Variants in MAP3K15 observed in about 807,000 individuals in gnomAD.
The protein encoded by MAP3K15 is mitogen-activated protein kinase kinase kinase 15, also known as MAPK/ERK kinase kinase 15.
In MAP3K15, 124 loss-of-function variants were observed where a neutral mutation model predicts 99.5. That is an observed-to-expected ratio of 1.25 (90% CI 1.08 to 1.45). The LOEUF (loss-of-function observed/expected upper bound fraction) is 1.45, where lower values mean the gene tolerates loss of function less well. MAP3K15 is among the 40% of genes most tolerant of loss of function. MAP3K15 has a pLI of 0.00. For synonymous variants in MAP3K15, 494 were observed against 439.6 expected (o/e 1.12, Z -1.55); for missense variants, 1,242 against 1,079.7 (o/e 1.15, Z -2.11).
chrX:19,416,244 ATG>A (rs1321634888), intron 9 of MAP3K15, among the ~76,000 whole-genome samples: 1 of 110,878 alleles, frequency 9.0e-6, no homozygotes, highest in African/African-American at 3.3e-5. Context: ...GGCAGAAGGA[ATG>A]CTTGAAGCTG....
chrX:19,363,669 T>TG (rs2063314173), intron 25 of MAP3K15, among the ~76,000 whole-genome samples: 2 of 107,828 alleles, frequency 1.9e-5, no homozygotes, highest in South Asian at 8.0e-4. Flanking sequence ...TTTTTTTTTT[T>TG]GGAGACAGAG....
At chrX:19,472,514 G>A (rs1478948055) in intron 3 of MAP3K15, among the ~76,000 whole-genome samples, 1 of 111,086 alleles carries the variant, frequency 9.0e-6, no homozygotes, top group Admixed American at 9.6e-5. Flanking sequence ...AAGGATATTG[G>A]TAGGAACAAG....
At chrX:19,407,445 A>T (rs1269354901) in intron 12 of MAP3K15, among the ~76,000 whole-genome samples, 162 bp from the exon 13 acceptor site, 1 of 112,112 alleles carries the variant, frequency 8.9e-6, no homozygotes, top group Non-Finnish European at 1.9e-5. Context: ...AAATTTAAAT[A>T]CCAGAGACAT....
intron 3 of MAP3K15, among the ~76,000 whole-genome samples, chrX:19,465,584 TAAA>T (rs1355164035): frequency 5.8e-4 from 48 of 82,776 alleles, no homozygotes; most frequent in Admixed American, 7.0e-4. Flanking sequence ...CATCTCTACT[TAAA>T]AAAAAAAAAA....
intron 3 of MAP3K15, among the ~76,000 whole-genome samples, chrX:19,479,657 G>A (rs181063922): frequency 8.9e-6 from 1 of 112,357 alleles, no homozygotes; most frequent in Non-Finnish European, 1.9e-5. Flanking sequence ...TACACTAGTG[G>A]CAAAGTACTA....
intron 6 of MAP3K15, among the ~76,000 whole-genome samples, chrX:19,438,313 G>A (rs2063936563): frequency 9.0e-6 from 1 of 110,991 alleles, no homozygotes; most frequent in Admixed American, 9.6e-5. Flanking sequence ...TCACTATGTG[G>A]CCCAGGCTGA....
chrX:19,368,937 GC>G, intron 25 of MAP3K15, 116 bp downstream of exon 25: 1 of 802,610 alleles, frequency 1.2e-6, no homozygotes, highest in Non-Finnish European at 1.6e-6. Flanking sequence ...TGATGAAGCT[GC>G]TTTTTCCTAA....
Position 19,384,748 on chromosome X carries a change from G to GAA in MAP3K15, c.2432-4472_2432-4471insTT, listed in dbSNP as rs1569205907. Among the ~76,000 whole-genome samples, 273 of 56,428 alleles carry GAA rather than the reference G, an allele frequency of 4.8e-3. 9 individuals carry two copies. The highest frequency in any genetic ancestry group is 0.011 in the Middle Eastern group (1 of 89). The allele number at this position is 56,428 out of a possible 115,157, so 49.0% of individuals were successfully genotyped here. ...GATGGGAGTGAGACCTTGTCTCAGGGGAAAAAAAAAAAAAAAAAAAAAAAA... is the reference window on the plus strand; with the variant it reads ...GATGGGAGTGAGACCTTGTCTCAGGGAAGAAAAAAAAAAAAAAAAAAAAAAAA... On this transcript the variant is annotated intron_variant, in intron 18 of 28. Transcript: ENST00000338883.
intron 25 of MAP3K15, among the ~76,000 whole-genome samples, chrX:19,366,538 G>A (rs781100955): frequency 1.6e-4 from 18 of 111,799 alleles, no homozygotes; most frequent in African/African-American, 5.9e-4. Flanking sequence ...CCCCCATACT[G>A]TTCTCATGGT....
intron 2 of MAP3K15, among the ~76,000 whole-genome samples, chrX:19,488,357 A>G (rs978315278): frequency 8.9e-6 from 1 of 112,264 alleles, no homozygotes; most frequent in East Asian, 2.8e-4. Flanking sequence ...GGAAAATAAC[A>G]TCAAAGACTA....
At chrX:19,470,443 C>G (rs777302097) in intron 3 of MAP3K15, among the ~76,000 whole-genome samples, 1 of 109,160 alleles carries the variant, frequency 9.2e-6, no homozygotes, top group African/African-American at 3.3e-5. Flanking sequence ...GGTGCTATAC[C>G]TAATGCTAAA....
At chrX:19,426,489 A>G (rs967778393) in intron 7 of MAP3K15, 146 bp from the exon 8 acceptor site, 2 of 337,793 alleles carry the variant, frequency 5.9e-6, no homozygotes, top group African/African-American at 5.5e-5. Context: ...ACCTTTACCA[A>G]CAGCCACATG....
rs757964409 is a variant in MAP3K15, at chrX:19,374,537, C to T, written c.2713G>A (p.Glu905Lys). 4 of 1,209,690 alleles carry T rather than the reference C, an allele frequency of 3.3e-6. No homozygotes were observed. Among genetic ancestry groups the T allele is most frequent in the Non-Finnish European group, 4.5e-6 (4 of 895,138 alleles). The change falls in exon 20 of 29, where the codon GAG (glutamate) becomes AAG (lysine). Residue 905 changes from glutamate (E) to lysine (K), a missense_variant. Coordinates refer to ENST00000338883, the MANE Select transcript of MAP3K15 (RefSeq NM_001001671.4). Reference protein sequence around the residue: ...KRATTAELLREGFLRQVNKGK... With the variant: ...KRATTAELLRKGFLRQVNKGK... ...TTGTTCACCTGCCTTAAGAAACCCT[C>T]TCTCAGTAGCTCAGCAGTGGTGGCA...
At chrX:19,442,089 C>T (rs1230478239) in intron 6 of MAP3K15, among the ~76,000 whole-genome samples, 1 of 111,851 alleles carries the variant, frequency 8.9e-6, no homozygotes, top group Admixed American at 9.5e-5. Flanking sequence ...ACCACCGAGG[C>T]GGCAGGGGTT....
intron 1 of MAP3K15, among the ~76,000 whole-genome samples, chrX:19,506,557 G>C (rs1008208082): frequency 9.0e-6 from 1 of 111,468 alleles, no homozygotes; most frequent in South Asian, 3.7e-4. Flanking sequence ...GTCTTGCTCT[G>C]CCGCCCAGGC....
intron 1 of MAP3K15, among the ~76,000 whole-genome samples, chrX:19,492,615 A>C (rs2064375620): frequency 9.0e-6 from 1 of 111,658 alleles, no homozygotes; most frequent in Admixed American, 9.6e-5. Flanking sequence ...CAGCTGAGTA[A>C]ATTAGACATT....
intron 19 of MAP3K15, among the ~76,000 whole-genome samples, chrX:19,377,541 CA>C (rs1320327039): frequency 2.7e-4 from 27 of 99,596 alleles, no homozygotes; most frequent in Admixed American, 4.3e-4. Flanking sequence ...GAGACTCTGT[CA>C]AAAAAAAAAA....
intron 9 of MAP3K15, among the ~76,000 whole-genome samples, chrX:19,419,335 T>A (rs778507164): frequency 9.1e-6 from 1 of 109,541 alleles, no homozygotes; most frequent in Non-Finnish European, 1.9e-5. Context: ...AATAAACGGA[T>A]GGAGGAAGAT....
Position 19,428,705 on chromosome X carries a change from G to A in MAP3K15, c.1167-2362C>T, listed in dbSNP as rs189288180. ...AATGAGGCCGGGTGTGGTGGCTCAC[G>A]CCTGTAATACCAGCACTTCGAGAGG... On this transcript the variant is annotated intron_variant, in intron 7 of 28. Transcript: ENST00000338883. 6.7e-3 allele frequency among the ~76,000 whole-genome samples: 747 copies of A among 112,101 alleles called. 4 individuals are homozygous for A. The highest frequency in any genetic ancestry group is 0.023 in the Middle Eastern group (5 of 219).
Sources: allele counts gnomAD v4.1 joint callset (sites outside exome capture counted in the v4.1 genomes callset), GRCh38; gene constraint gnomAD v4.1.1; transcripts MANE v1.5; gene names NCBI Gene and HGNC (gene_info 2026-07-23, HGNC 2026-07-21).